NXN: variants seen among roughly 807,000 people sequenced by gnomAD.
NXN encodes the protein nucleoredoxin 1.
In NXN, 16 loss-of-function variants were observed where a neutral mutation model predicts 48.6. That is an observed-to-expected ratio of 0.33 (90% confidence interval 0.22 to 0.50). NXN has a LOEUF of 0.50. Ranked by LOEUF, NXN falls within the 20% of genes least tolerant of loss-of-function variation. NXN has a pLI of 0.98. For missense variants in NXN, 492 were observed against 605.5 expected (o/e 0.81, Z 1.97); for synonymous variants, 281 against 269.6 (o/e 1.04, Z -0.41).
At position 822,339 on chromosome 17, in the gene NXN, C is replaced by T; in HGVS notation, c.713+18G>A. On this transcript the variant is annotated intron_variant, in intron 4 of 7. Coordinates refer to ENST00000336868, the MANE Select transcript of NXN (RefSeq NM_022463.5). ...CTACCTACAGAAAAGGGGCCCAGCA[C>T]TTCACGGCACGACTGACCTGTCTGC... is the stretch of plus-strand genomic sequence containing the variant. 1 of 1,588,844 alleles carries T rather than the reference C, an allele frequency of 6.3e-7. No individual in the cohort carries two copies. The highest frequency in any genetic ancestry group is 8.6e-7 in the Non-Finnish European group (1 of 1,158,000).
chr17:937,076 G>A (rs902774740), intron 1 of NXN, among the ~76,000 whole-genome samples: 2 of 151,936 alleles, frequency 1.3e-5, no homozygotes, highest in Admixed American at 6.6e-5. Flanking sequence ...TTTGCCTCCC[G>A]GGCTCAAGTG....
chr17:887,519 C>T (rs1302261468), intron 1 of NXN, among the ~76,000 whole-genome samples: 1 of 152,140 alleles, frequency 6.6e-6, no homozygotes. Flanking sequence ...CCTTCACTCC[C>T]TCCACTAATA....
chr17:830,493 A>G lies in NXN; in HGVS notation c.361-4415T>C, dbSNP rs1035833546. ...GCACAGACCTCAGCAAGGAAATGGA[A>G]CAAGCCACAGGCACGCCGCGGGAGG... On this transcript the variant is annotated intron_variant, in intron 1 of 7. Transcript: ENST00000336868. This position sits in a 1 kb window ranked among gnomAD's most constrained non-coding sequence, Gnocchi z 4.2. 2.0e-5 allele frequency among the ~76,000 whole-genome samples: 3 copies of G among 152,164 alleles called. No homozygotes were observed. Among genetic ancestry groups the G allele is most frequent in the Admixed American group, 6.6e-5 (1 of 15,264 alleles).
At chr17:916,116 T>C (rs2068686620) in intron 1 of NXN, among the ~76,000 whole-genome samples, 1 of 152,232 alleles carries the variant, frequency 6.6e-6, no homozygotes, top group African/African-American at 2.4e-5. Context: ...GATGATTGTA[T>C]TTGAATTGCT....
chr17:903,813 G>A (rs971830900), intron 1 of NXN, among the ~76,000 whole-genome samples: 13 of 152,168 alleles, frequency 8.5e-5, no homozygotes, highest in African/African-American at 3.1e-4. Context: ...GTCATACAAC[G>A]TATTATGACC....
intron 1 of NXN, among the ~76,000 whole-genome samples, chr17:974,320 C>T (rs1016947104): frequency 6.6e-6 from 1 of 151,870 alleles, no homozygotes; most frequent in Non-Finnish European, 1.5e-5. Context: ...CACTGCACTC[C>T]AGCCTGGGTG....
intron 1 of NXN, among the ~76,000 whole-genome samples, chr17:884,750 G>A (rs1263312341): frequency 6.6e-6 from 1 of 152,194 alleles, no homozygotes; most frequent in Non-Finnish European, 1.5e-5. Flanking sequence ...AGGGATGGAC[G>A]GTCCCTCGGG....
intron 1 of NXN, among the ~76,000 whole-genome samples, chr17:933,638 T>C (rs1183222956): frequency 6.6e-6 from 1 of 151,952 alleles, no homozygotes; most frequent in Non-Finnish European, 1.5e-5. Context: ...ACACAGCTTA[T>C]CTTGAAATTC....
intron 1 of NXN, among the ~76,000 whole-genome samples, chr17:973,003 C>T (rs530234069): frequency 1.3e-5 from 2 of 151,488 alleles, no homozygotes; most frequent in African/African-American, 4.9e-5. Flanking sequence ...TGCACTCCAG[C>T]CTGGGCGACA....
Position 927,325 on chromosome 17 carries a change from AG to A in NXN, c.360+51993del, listed in dbSNP as rs538436283. Reference sequence around the variant, plus strand: ...AAAGGGAGGTAAAAGAAGCAAAATTAGGACTGGGTGCTGTGGCTCACACCTG... The same window carrying A: ...AAAGGGAGGTAAAAGAAGCAAAATTAGACTGGGTGCTGTGGCTCACACCTG... On this transcript the variant is annotated intron_variant, in intron 1 of 7. Coordinates refer to ENST00000336868, the MANE Select transcript of NXN (RefSeq NM_022463.5). Among the ~76,000 whole-genome samples the A allele has an allele frequency of 9.2e-5, 14 of 151,504 alleles. No homozygotes were observed. In the East Asian group the frequency reaches 2.7e-3, roughly 29 times the overall value.
chr17:820,611 C>CAAA (rs750581539), intron 4 of NXN, among the ~76,000 whole-genome samples: 2 of 14,728 alleles, frequency 1.4e-4, no homozygotes, highest in Admixed American at 7.0e-4. Context: ...GACTCTGTCT[C>CAAA]AAAAAAAAAA....
At position 912,582 on chromosome 17, in the gene NXN, T is replaced by A. The variant is rs942504394; in HGVS notation, c.360+66737A>T. On this transcript the variant is annotated intron_variant, in intron 1 of 7. Coordinates refer to ENST00000336868, the MANE Select transcript of NXN (RefSeq NM_022463.5). ...GCAAACAGAACCAGGCATCTTTTCA[T>A]GTTTATGTGTCTTTCTCTGTTCAAA... Among the ~76,000 whole-genome samples, 8 of 152,094 alleles carry A rather than the reference T, an allele frequency of 5.3e-5. 1 individual carries two copies. The highest frequency in any genetic ancestry group is 3.3e-4 in the Admixed American group (5 of 15,246).
At chr17:852,438 T>C (rs1243856108) in intron 1 of NXN, among the ~76,000 whole-genome samples, 2 of 152,152 alleles carry the variant, frequency 1.3e-5, no homozygotes, top group African/African-American at 2.4e-5. Context: ...TCTCTCTCCT[T>C]TCTACCTCCA....
intron 1 of NXN, among the ~76,000 whole-genome samples, chr17:890,203 C>T (rs1015834742): frequency 2.0e-5 from 3 of 151,198 alleles, no homozygotes; most frequent in Admixed American, 2.0e-4. Context: ...CTCTCATGCA[C>T]ATCAAATGCT....
At chr17:882,987 C>T (rs2144841582) in intron 1 of NXN, among the ~76,000 whole-genome samples, 1 of 152,320 alleles carries the variant, frequency 6.6e-6, no homozygotes. Flanking sequence ...CTCCTGACCT[C>T]AGGTGATCTG....
chr17:937,233 C>T (rs2068917683), intron 1 of NXN, among the ~76,000 whole-genome samples: 1 of 152,088 alleles, frequency 6.6e-6, no homozygotes, highest in African/African-American at 2.4e-5. Context: ...ATCCGCCCGC[C>T]TCGGCCTCCC....
chr17:845,528 C>G (rs2067850859), intron 1 of NXN, among the ~76,000 whole-genome samples: 1 of 152,228 alleles, frequency 6.6e-6, no homozygotes, highest in African/African-American at 2.4e-5. Flanking sequence ...CAAAGACCAT[C>G]TCACCTCTCC....
chr17:872,591 T>C (rs989565584), intron 1 of NXN, among the ~76,000 whole-genome samples: 1 of 149,766 alleles, frequency 6.7e-6, no homozygotes, highest in African/African-American at 2.5e-5. Flanking sequence ...AGTGTGTCTG[T>C]GACTATGTTT....
Position 819,502 on chromosome 17 carries a change from G to C in NXN, c.757C>G (p.Leu253Val), listed in dbSNP as rs1227443344. Residue 253 changes from leucine (L) to valine (V), a missense_variant, in exon 5 of 8, where the codon CTC becomes GTC. By Grantham distance (32) the Leu-to-Val change is conservative (BLOSUM62 1). Coordinates refer to ENST00000336868, the MANE Select transcript of NXN (RefSeq NM_022463.5). ...FKQYFSEMPW[L>V]AVPYTDEARR... ...GCCTCATCCGTGTAGGGGACGGCGA[G>C]CCAGGGCATCTCACTGAAGTACTGT... 6.2e-7 allele frequency: 1 copy of C among 1,612,804 alleles called. No homozygotes were observed. The highest frequency in any genetic ancestry group is 1.3e-5 in the African/African-American group (1 of 74,864).
Sources: allele counts gnomAD v4.1 joint callset (sites outside exome capture counted in the v4.1 genomes callset), GRCh38; gene constraint gnomAD v4.1.1; non-coding constraint Gnocchi (gnomAD v3.1); transcripts MANE v1.5; gene names NCBI Gene and HGNC (gene_info 2026-07-23, HGNC 2026-07-21).